Variants in ANAPC5 observed in about 807,000 individuals in gnomAD.
ANAPC5 encodes anaphase-promoting complex subunit 5.
Under a neutral mutation model 91.3 loss-of-function variants are expected in ANAPC5, and 60 were observed. That is an observed-to-expected ratio of 0.66 (90% CI 0.53 to 0.81). The LOEUF (loss-of-function observed/expected upper bound fraction) is 0.81, where lower values mean the gene tolerates loss of function less well. Ranked by LOEUF, ANAPC5 falls within the 40% of genes least tolerant of loss-of-function variation. ANAPC5 has a pLI of 0.00. For synonymous variants in ANAPC5, 340 were observed against 364.1 expected (o/e 0.93, Z 0.75); for missense variants, 690 against 931.5 (o/e 0.74, Z 3.37).
At chr12:121,311,869 T>G (rs1902178382) in intron 15 of ANAPC5, among the ~76,000 whole-genome samples, 1 of 152,076 alleles carries the variant, frequency 6.6e-6, no homozygotes, top group South Asian at 2.1e-4. Flanking sequence ...ACAATAATAG[T>G]TGGGGAGCTC....
chr12:121,347,023 G>C lies in ANAPC5; in HGVS notation c.288-18C>G. 6.5e-7 allele frequency: 1 copy of C among 1,538,602 alleles called. No homozygotes were observed. Among genetic ancestry groups the C allele is most frequent in the South Asian group, 1.2e-5 (1 of 85,020 alleles). On this transcript the variant is annotated intron_variant, in intron 2 of 16. Coordinates refer to ENST00000261819, the MANE Select transcript of ANAPC5 (RefSeq NM_016237.5). Reference sequence around the variant, plus strand: ...GTTTGATTCTGAATGAGAAAATCGAGGTGCATATTTTAGAAAGGCCCTTTG... The same window carrying C: ...GTTTGATTCTGAATGAGAAAATCGACGTGCATATTTTAGAAAGGCCCTTTG...
intron 15 of ANAPC5, among the ~76,000 whole-genome samples, chr12:121,315,680 G>C (rs1218006128): frequency 1.3e-5 from 2 of 151,980 alleles, no homozygotes; most frequent in Non-Finnish European, 2.9e-5. Context: ...TTTTAACAGG[G>C]GTACCAAAAC....
chr12:121,319,558 C>T (rs1381011303), intron 13 of ANAPC5, 139 bp downstream of exon 13: 5 of 890,376 alleles, frequency 5.6e-6, no homozygotes, highest in African/African-American at 1.7e-5. Flanking sequence ...CCATGCCCAG[C>T]TGCTTACCTG....
rs782160830 is a variant in ANAPC5 at position 121,345,875 on chromosome 12, C to T, written c.554G>A (p.Arg185Lys). Residue 185 changes from arginine (R) to lysine (K), a missense_variant, in exon 4 of 17, where the codon AGA (arginine) becomes AAA (lysine). By Grantham distance (26) the Arg-to-Lys change is conservative. This residue lies in a region of ANAPC5 where 238 missense variants were observed against 264.9 expected (regional missense o/e 0.90). Transcript: ENST00000261819. ...ATCAAGTTCTTCTTTTTCCATTTTT[C>T]TTTCACCCTCATCTCTACTGGTCAG... is the stretch of plus-strand genomic sequence containing the variant. ...MELTSRDEGERKMEKEELDVS... is the reference protein window; with the variant it reads ...MELTSRDEGEKKMEKEELDVS... 3.1e-6 allele frequency: 5 copies of T among 1,612,872 alleles called. No individual in the cohort carries two copies. In the Admixed American group the frequency reaches 8.4e-5, roughly 27 times the overall value.
rs1593578299 is a variant in ANAPC5, at chr12:121,318,398, T to C, written c.1772A>G (p.Tyr591Cys). Residue 591 changes from tyrosine to cysteine, a missense_variant, in exon 15 of 17, where the codon TAC (tyrosine) becomes TGC (cysteine). Physicochemically the swap from Tyr to Cys is radical, Grantham distance 194. Transcript: ENST00000261819. ...ISVLLSVAEL[Y>C]WRSSSPTIAL... The stretch of plus-strand genomic sequence containing the variant: ...GATGGTAGGGGAGGAAGATCGCCAG[T>C]ACAGCTCTGCCACGGACAGTAGGAC... 6.2e-7 allele frequency: 1 copy of C among 1,612,002 alleles called. No individual in the cohort carries two copies. The highest frequency in any genetic ancestry group is 8.5e-7 in the Non-Finnish European group (1 of 1,178,984).
chr12:121,319,243 T>C (rs535292809), intron 13 of ANAPC5, among the ~76,000 whole-genome samples: 1 of 152,048 alleles, frequency 6.6e-6, no homozygotes, highest in South Asian at 2.1e-4. Context: ...TTTTCTTTTT[T>C]TTTTTTTGGA....
intron 1 of ANAPC5, among the ~76,000 whole-genome samples, chr12:121,349,556 C>A (rs1309201560): frequency 6.6e-6 from 1 of 150,720 alleles, no homozygotes; most frequent in Non-Finnish European, 1.5e-5. Flanking sequence ...GGAGTGAGAT[C>A]CCACCACTCT....
intron 11 of ANAPC5, among the ~76,000 whole-genome samples, chr12:121,322,085 C>G (rs1305383253): frequency 6.6e-6 from 1 of 151,512 alleles, no homozygotes; most frequent in Non-Finnish European, 1.5e-5. Flanking sequence ...AGGCTGCTCT[C>G]GATCTCATGA....
intron 1 of ANAPC5, 62 bp from the exon 2 acceptor site, chr12:121,347,943 C>T: frequency 8.6e-7 from 1 of 1,159,438 alleles, no homozygotes; most frequent in Admixed American, 1.9e-5. Flanking sequence ...TAAAGAATTG[C>T]AAACATAAAT....
At chr12:121,315,932 AAAAT>A (rs1319603933) in intron 15 of ANAPC5, among the ~76,000 whole-genome samples, 2 of 152,224 alleles carry the variant, frequency 1.3e-5, no homozygotes, top group African/African-American at 4.8e-5. Flanking sequence ...CAACAAAAGA[AAAAT>A]AAATTGGACT....
chr12:121,338,446 G>A (rs571238253), intron 5 of ANAPC5, among the ~76,000 whole-genome samples: 23 of 151,924 alleles, frequency 1.5e-4, no homozygotes, highest in Non-Finnish European at 2.4e-4. Context: ...AACATTAGCC[G>A]GGTGTGGTGG....
intron 4 of ANAPC5, among the ~76,000 whole-genome samples, chr12:121,345,183 C>G (rs1259725329): frequency 6.6e-6 from 1 of 152,190 alleles, no homozygotes; most frequent in Admixed American, 6.5e-5. Context: ...AAGGATACTA[C>G]TGCATTTTGG....
At chr12:121,350,005 C>A (rs36122756) in intron 1 of ANAPC5, among the ~76,000 whole-genome samples, 6,396 of 152,002 alleles carry the variant, frequency 0.042, 168 homozygotes, top group South Asian at 0.078. Context: ...TCCCACCCGG[C>A]CTTTTATTTA....
At chr12:121,326,618 G>A (rs1902829268) in intron 11 of ANAPC5, 1 of 152,260 alleles carries the variant, frequency 6.6e-6, no homozygotes, top group Admixed American at 6.5e-5. Context: ...ACAGGATTTA[G>A]CTCCCAGGAC....
At position 121,324,327 on chromosome 12, in the gene ANAPC5, G is replaced by T. The variant is rs138226513; in HGVS notation, c.1440+2769C>A. On this transcript the variant is annotated intron_variant, in intron 11 of 16. Coordinates refer to ENST00000261819, the MANE Select transcript of ANAPC5 (RefSeq NM_016237.5). ...TGTTCTAAAACTAGAAAGATCTAAG[G>T]CAAGATGAAGAAAGGGGTAAAGGAC... is the stretch of plus-strand genomic sequence containing the variant. Among the ~76,000 whole-genome samples the T allele has an allele frequency of 7.7e-3, 1,167 of 152,008 alleles. 15 individuals are homozygous for T. Among genetic ancestry groups the T allele is most frequent in the African/African-American group, 0.025 (1,044 of 41,462 alleles).
intron 11 of ANAPC5, among the ~76,000 whole-genome samples, chr12:121,322,416 C>T (rs1902653515): frequency 6.6e-6 from 1 of 152,154 alleles, no homozygotes; most frequent in South Asian, 2.1e-4. Flanking sequence ...ACCTCAGCCC[C>T]CCAAATTGCT....
At chr12:121,318,713 T>A (rs1263862220) in intron 13 of ANAPC5, 105 bp from the exon 14 acceptor site, 4 of 1,052,880 alleles carry the variant, frequency 3.8e-6, no homozygotes, top group African/African-American at 1.6e-5. Context: ...GAAAAAACTG[T>A]GCCTGATTTA....
chr12:121,352,039 G>C, intron 1 of ANAPC5, 95 bp downstream of exon 1: 1 of 1,137,324 alleles, frequency 8.8e-7, no homozygotes, highest in Non-Finnish European at 1.2e-6. Context: ...GAGAGTATCT[G>C]ATGGACACGA....
At chr12:121,341,054 G>T (rs979447788) in intron 5 of ANAPC5, among the ~76,000 whole-genome samples, 1 of 152,056 alleles carries the variant, frequency 6.6e-6, no homozygotes, top group Non-Finnish European at 1.5e-5. Context: ...TTTGGGCTGG[G>T]CGTGGTGGCT....
Sources: gnomAD v4.1 joint callset for allele counts (sites outside exome capture counted in the v4.1 genomes callset) on GRCh38, gnomAD v4.1.1 for gene constraint, gnomAD v4.1.1 regional missense constraint, MANE v1.5 for transcripts, NCBI Gene and HGNC (gene_info 2026-07-23, HGNC 2026-07-21) for gene names.